Variants in CDH12 observed in about 807,000 individuals in gnomAD.
CDH12 encodes cadherin 12, also known as cadherin-12.
A neutral mutation model predicts 74.1 loss-of-function variants in CDH12; 41 were observed. That is an observed-to-expected ratio of 0.55 (90% confidence interval 0.43 to 0.72). The LOEUF is 0.72. Ranked by LOEUF, CDH12 falls within the 30% of genes least tolerant of loss-of-function variation. CDH12 has a pLI of 0.00. For synonymous variants in CDH12, 399 were observed against 355.0 expected, an observed-to-expected ratio of 1.12 and a Z score of -1.39; for missense variants, 945 against 977.2, an observed-to-expected ratio of 0.97 and a Z score of 0.44.
At chr5:21,773,519 A>G (rs1383218309) in intron 11 of CDH12, among the ~76,000 whole-genome samples, 1 of 152,122 alleles carries the variant, frequency 6.6e-6, no homozygotes. Context: ...AAACTCTTGG[A>G]CTTACACCAG....
chr5:22,207,220 AAAAAAAAAAAG>A (rs1264374362), intron 4 of CDH12, among the ~76,000 whole-genome samples: 2 of 151,498 alleles, frequency 1.3e-5, no homozygotes, highest in East Asian at 1.9e-4. Context: ...CTGTCTCAAA[AAAAAAAAAAAG>A]AAAAAAAAAA....
chr5:22,506,999 C>T (rs2126665387), intron 1 of CDH12, among the ~76,000 whole-genome samples: 1 of 152,144 alleles, frequency 6.6e-6, no homozygotes, highest in East Asian at 1.9e-4. Flanking sequence ...AAGAGTGATT[C>T]TTATAAAGAT....
At chr5:21,874,259 T>C (rs1160159225) in intron 6 of CDH12, among the ~76,000 whole-genome samples, 3 of 152,096 alleles carry the variant, frequency 2.0e-5, no homozygotes, top group Non-Finnish European at 2.9e-5. Context: ...CCAACAAACA[T>C]ATGAAGGAAG....
At chr5:22,236,278 T>C (rs551188921) in intron 3 of CDH12, among the ~76,000 whole-genome samples, 1 of 152,236 alleles carries the variant, frequency 6.6e-6, no homozygotes, top group Admixed American at 6.5e-5. Context: ...CTTTATAAAC[T>C]TTTTCATTTT....
At chr5:22,150,144 G>A (rs1747470295) in intron 4 of CDH12, among the ~76,000 whole-genome samples, 1 of 151,676 alleles carries the variant, frequency 6.6e-6, no homozygotes, top group Non-Finnish European at 1.5e-5. Flanking sequence ...CATTTACATC[G>A]ACATCCACTC....
At chr5:22,601,371 C>A (rs1167896650) in intron 1 of CDH12, among the ~76,000 whole-genome samples, 1 of 148,196 alleles carries the variant, frequency 6.7e-6, no homozygotes, top group Non-Finnish European at 1.5e-5. Context: ...TGCATGGACA[C>A]ATAGAAGGAA....
At chr5:21,843,517 A>ATT (rs1452988941) in intron 7 of CDH12, among the ~76,000 whole-genome samples, 1 of 113,052 alleles carries the variant, frequency 8.8e-6, no homozygotes, top group East Asian at 2.6e-4. Context: ...TTGTACTGAC[A>ATT]CTTTTTTTTT....
At chr5:22,720,073 A>G (rs888211251) in intron 1 of CDH12, among the ~76,000 whole-genome samples, 12 of 152,030 alleles carry the variant, frequency 7.9e-5, no homozygotes, top group African/African-American at 2.7e-4. Context: ...AGAAAACAGC[A>G]TAGAAAATAT....
chr5:22,253,117 A>G (rs2150388686), intron 3 of CDH12, among the ~76,000 whole-genome samples: 1 of 152,114 alleles, frequency 6.6e-6, no homozygotes, highest in East Asian at 1.9e-4. Flanking sequence ...CTGTTGAATT[A>G]AATGAATTAA....
At chr5:22,511,864 A>T (rs539472371) in intron 1 of CDH12, among the ~76,000 whole-genome samples, 7 of 152,352 alleles carry the variant, frequency 4.6e-5, no homozygotes, top group Middle Eastern at 3.4e-3. Context: ...AATTGCTTAC[A>T]TAATTATTTC....
In CDH12 at chr5:22,698,363, C is replaced by T. The variant is rs558955693; in HGVS notation, c.-523+154695G>A. Among the ~76,000 whole-genome samples the T allele has an allele frequency of 1.2e-4, 18 of 151,162 alleles. No individual in the cohort carries two copies. The East Asian group carries it at 1.8e-3, about 15-fold the overall frequency. The stretch of plus-strand genomic sequence containing the variant: ...TTCAAACTCCTGACCTCAAGTAATC[C>T]GCCCACCTCGGCCTCCCAAAATGCT... On this transcript the variant is annotated intron_variant, in intron 1 of 14. Coordinates refer to ENST00000382254, the MANE Select transcript of CDH12 (RefSeq NM_004061.5).
chr5:22,179,717 G>A (rs549436165), intron 4 of CDH12, among the ~76,000 whole-genome samples: 3 of 152,238 alleles, frequency 2.0e-5, no homozygotes, highest in Middle Eastern at 3.4e-3. Context: ...ATTAAGCAAC[G>A]ATTTCAGAAA....
chr5:22,815,781 A>T lies in CDH12; in HGVS notation c.-523+37277T>A, dbSNP rs547820043. 5.4e-3 allele frequency among the ~76,000 whole-genome samples: 809 copies of T among 149,344 alleles called. 20 individuals carry two copies. Among genetic ancestry groups the T allele is most frequent in the South Asian group, 0.015 (73 of 4,780 alleles). The stretch of plus-strand genomic sequence containing the variant: ...GGAGACTCCGTCTCAAAAAAAAAAA[A>T]AAAATAAATAAATAATAAAAATAAA... On this transcript the variant is annotated intron_variant, in intron 1 of 14. Coordinates refer to ENST00000382254, the MANE Select transcript of CDH12 (RefSeq NM_004061.5).
Position 22,821,437 on chromosome 5 carries a change from G to A in CDH12, c.-523+31621C>T, listed in dbSNP as rs922681603. ...GGGTATTCAATTAGGAAAAGAGGAA[G>A]TCAAATTGTCCCTGTTTGGAGATGA... On this transcript the variant is annotated intron_variant, in intron 1 of 14. Transcript: ENST00000382254. Among the ~76,000 whole-genome samples the A allele has an allele frequency of 5.3e-4, 80 of 152,288 alleles. 1 individual carries two copies. Among genetic ancestry groups the A allele is most frequent in the African/African-American group, 1.7e-3 (72 of 41,546 alleles).
At chr5:21,888,471 C>G (rs749207430) in intron 6 of CDH12, among the ~76,000 whole-genome samples, 11 of 152,044 alleles carry the variant, frequency 7.2e-5, no homozygotes, top group Non-Finnish European at 1.5e-4. Context: ...AGAAGTAATA[C>G]TATTAGGAAT....
chr5:22,527,555 G>T (rs931614279), intron 1 of CDH12, among the ~76,000 whole-genome samples: 1 of 152,052 alleles, frequency 6.6e-6, no homozygotes, highest in African/African-American at 2.4e-5. Flanking sequence ...CATCCACATT[G>T]ACTTCAGTTT....
chr5:22,360,774 A>T (rs899046953), intron 3 of CDH12, among the ~76,000 whole-genome samples: 1 of 152,208 alleles, frequency 6.6e-6, no homozygotes, highest in African/African-American at 2.4e-5. Flanking sequence ...GGCTGGTTCA[A>T]CATATGCAAA....
intron 1 of CDH12, among the ~76,000 whole-genome samples, chr5:22,596,485 G>A (rs913685348): frequency 5.3e-5 from 8 of 152,084 alleles, no homozygotes; most frequent in African/African-American, 1.9e-4. Context: ...TCTCAGTAGA[G>A]AAAGAAAATA....
At chr5:22,105,412 G>A (rs67649254) in intron 4 of CDH12, among the ~76,000 whole-genome samples, 63,821 of 147,370 alleles carry the variant, frequency 0.43, 14,202 homozygotes, top group Middle Eastern at 0.53. Context: ...AAATAAGAAC[G>A]CCAGGCTGGG....
Sources: gnomAD v4.1 joint callset for allele counts (sites outside exome capture counted in the v4.1 genomes callset) on GRCh38, gnomAD v4.1.1 for gene constraint, MANE v1.5 for transcripts, NCBI Gene and HGNC (gene_info 2026-07-23, HGNC 2026-07-21) for gene names.